SDHAF4: variants seen among roughly 807,000 people sequenced by gnomAD.
SDHAF4 encodes succinate dehydrogenase complex assembly factor 4, also known as succinate dehydrogenase assembly factor 4, mitochondrial.
Under a neutral mutation model 14.3 loss-of-function variants are expected in SDHAF4, and 14 were observed. The observed-to-expected ratio is 0.98, with a 90% confidence interval of 0.65 to 1.53. SDHAF4 has a LOEUF of 1.53. Ranked by LOEUF, SDHAF4 falls within the 40% of genes most tolerant of loss-of-function variation. SDHAF4 has a pLI of 0.00. For missense variants in SDHAF4, 141 were observed against 129.3 expected (o/e 1.09, Z -0.44); for synonymous variants, 63 against 47.3 (o/e 1.33, Z -1.36).
At chr6:70,582,832 C>G (rs1765150098) in intron 2 of SDHAF4, among the ~76,000 whole-genome samples, 1 of 152,214 alleles carries the variant, frequency 6.6e-6, no homozygotes. Context: ...TCCTCGTTTC[C>G]TTCCTTCTAG....
chr6:70,588,680 C>G lies in SDHAF4; in HGVS notation c.283C>G (p.Arg95Gly). 6.2e-7 allele frequency: 1 copy of G among 1,605,004 alleles called. No homozygotes were observed. Residue 95 changes from arginine (R) to glycine (G), a missense_variant, in exon 3 of 3, where the codon CGA (arginine) becomes GGA (glycine). Coordinates refer to ENST00000370474, the MANE Select transcript of SDHAF4 (RefSeq NM_145267.3). ...KGGPRGPEPTRYGDWERKGRC... is the reference protein window; with the variant it reads ...KGGPRGPEPTGYGDWERKGRC... ...TGGACCCAGGGGCCCAGAACCTACC[C>G]GATATGGAGATTGGGAACGAAAAGG...
chr6:70,595,071 G>A, the SDHAF4 span, among the ~76,000 whole-genome samples: 10 of 152,164 alleles, frequency 6.6e-5, no homozygotes, highest in South Asian at 4.2e-4. Context: ...TCAAAACCTC[G>A]TACCCTGTGG....
chr6:70,596,207 A>G, the SDHAF4 span, among the ~76,000 whole-genome samples: 14 of 152,330 alleles, frequency 9.2e-5, no homozygotes, highest in African/African-American at 3.1e-4. Flanking sequence ...TGTGAGAAGC[A>G]GAGTTGACAG....
intron 1 of SDHAF4, among the ~76,000 whole-genome samples, chr6:70,578,718 C>A (rs1369819153): frequency 6.6e-6 from 1 of 152,168 alleles, no homozygotes; most frequent in Non-Finnish European, 1.5e-5. Context: ...TGAGGTCTTA[C>A]ATTTAAATCT....
chr6:70,568,906 A>G (rs1229325667), intron 1 of SDHAF4, among the ~76,000 whole-genome samples: 7 of 151,858 alleles, frequency 4.6e-5, no homozygotes, highest in Admixed American at 4.6e-4. Context: ...CTCTGATTAA[A>G]GAAGTAAAAC....
intron 1 of SDHAF4, among the ~76,000 whole-genome samples, chr6:70,578,255 A>G (rs1802280202): frequency 6.6e-6 from 1 of 152,182 alleles, no homozygotes; most frequent in Non-Finnish European, 1.5e-5. Context: ...TAACTTTTTA[A>G]TAATAGCCAT....
chr6:70,595,821 A>T, the SDHAF4 span, among the ~76,000 whole-genome samples: 1 of 149,640 alleles, frequency 6.7e-6, no homozygotes, highest in Non-Finnish European at 1.5e-5. Flanking sequence ...GGGCGACAGA[A>T]CAAGACTCTA....
At chr6:70,585,153 G>A (rs1017779503) in intron 2 of SDHAF4, among the ~76,000 whole-genome samples, 1 of 152,168 alleles carries the variant, frequency 6.6e-6, no homozygotes, top group African/African-American at 2.4e-5. Flanking sequence ...CCCCCCAGGT[G>A]ATGGTATTTG....
the SDHAF4 span, among the ~76,000 whole-genome samples, chr6:70,596,064 A>T: frequency 2.6e-5 from 4 of 152,196 alleles, no homozygotes; most frequent in African/African-American, 9.7e-5. Context: ...ATATATAGGT[A>T]AAATTTGGTG....
chr6:70,584,108 C>T (rs1212484072), intron 2 of SDHAF4, among the ~76,000 whole-genome samples: 1 of 151,972 alleles, frequency 6.6e-6, no homozygotes, highest in East Asian at 1.9e-4. Flanking sequence ...TCACTGCAAC[C>T]TCTGCCTCGG....
intron 2 of SDHAF4, among the ~76,000 whole-genome samples, chr6:70,587,895 A>G (rs1765222376): frequency 6.6e-6 from 1 of 152,226 alleles, no homozygotes; most frequent in South Asian, 2.1e-4. Flanking sequence ...CCAAAACCCT[A>G]TGATGAGGAA....
intron 1 of SDHAF4, among the ~76,000 whole-genome samples, chr6:70,578,428 T>A (rs1263287804): frequency 6.6e-6 from 1 of 152,222 alleles, no homozygotes; most frequent in Non-Finnish European, 1.5e-5. Flanking sequence ...GGTTGTTGTT[T>A]GCTTGTTGAG....
chr6:70,586,942 G>T (rs565379152), intron 2 of SDHAF4, among the ~76,000 whole-genome samples: 1 of 152,060 alleles, frequency 6.6e-6, no homozygotes, highest in Non-Finnish European at 1.5e-5. Context: ...GCTGAGGCGG[G>T]TGGATCACCT....
chr6:70,580,050 T>C (rs1343016331), intron 2 of SDHAF4, among the ~76,000 whole-genome samples: 1 of 145,266 alleles, frequency 6.9e-6, no homozygotes, highest in Non-Finnish European at 1.5e-5. Context: ...ATATGAATAA[T>C]GAGGTATGAT....
In SDHAF4 at chr6:70,584,496, T is replaced by G. The variant is rs553449551; in HGVS notation, c.218-4119T>G. Among the ~76,000 whole-genome samples, 160 of 152,338 alleles carry G rather than the reference T, an allele frequency of 1.1e-3. 1 individual carries two copies. Among genetic ancestry groups the G allele is most frequent in the Non-Finnish European group, 1.9e-3 (130 of 68,034 alleles). On this transcript the variant is annotated intron_variant, in intron 2 of 2. Transcript: ENST00000370474. ...TTTATATAAATGAAACTCTACAGTA[T>G]GTAGTCTTTGGTGTCTGGTTCCTTT...
intron 1 of SDHAF4, among the ~76,000 whole-genome samples, chr6:70,569,026 C>T (rs1363251696): frequency 3.2e-5 from 4 of 124,428 alleles, no homozygotes; most frequent in Non-Finnish European, 4.7e-5. Flanking sequence ...AGTGCAGTGG[C>T]GCGATCTCGA....
chr6:70,583,464 A>G (rs968240505), intron 2 of SDHAF4, among the ~76,000 whole-genome samples: 1 of 152,180 alleles, frequency 6.6e-6, no homozygotes, highest in Non-Finnish European at 1.5e-5. Context: ...AGACATTTCA[A>G]AATACCTGGA....
intron 1 of SDHAF4, among the ~76,000 whole-genome samples, chr6:70,571,110 A>G (rs1307067025): frequency 6.6e-6 from 1 of 151,660 alleles, no homozygotes; most frequent in Non-Finnish European, 1.5e-5. Flanking sequence ...GTTTTTGTTT[A>G]TGTATTTGTA....
chr6:70,590,791 G>T (rs7341224), downstream of SDHAF4, among the ~76,000 whole-genome samples: 1 of 151,890 alleles, frequency 6.6e-6, no homozygotes. Context: ...CAATAGGAGA[G>T]AGAGAGATTA....
Sources: allele counts gnomAD v4.1 joint callset (sites outside exome capture counted in the v4.1 genomes callset), GRCh38; gene constraint gnomAD v4.1.1; transcripts MANE v1.5; gene names NCBI Gene and HGNC (gene_info 2026-07-23, HGNC 2026-07-21).